The following IFT81 variants were observed in gnomAD, a reference collection of about 807,000 sequenced individuals.
IFT81 encodes the protein intraflagellar transport protein 81 homolog.
Under a neutral mutation model 102.6 loss-of-function variants are expected in IFT81, and 72 were observed. The observed-to-expected ratio is 0.70, with a 90% confidence interval of 0.58 to 0.85. The LOEUF is 0.85. Ranked by LOEUF, IFT81 falls within the 40% of genes least tolerant of loss-of-function variation. The pLI is 0.00. For missense variants in IFT81, 723 were observed against 787.3 expected, an observed-to-expected ratio of 0.92 and a Z score of 0.98; for synonymous variants, 237 against 242.7, an observed-to-expected ratio of 0.98 and a Z score of 0.22.
intron 12 of IFT81, 100 bp downstream of exon 12, chr12:110,180,671 A>G (rs1287504531): frequency 5.0e-6 from 4 of 795,872 alleles, no homozygotes; most frequent in Non-Finnish European, 7.5e-6. Flanking sequence ...GAAAAATGAT[A>G]AAAGTATTAC....
intron 10 of IFT81, among the ~76,000 whole-genome samples, chr12:110,152,119 A>AT (rs1895571309): frequency 6.6e-6 from 1 of 152,216 alleles, no homozygotes; most frequent in Non-Finnish European, 1.5e-5. Flanking sequence ...GACCATGTAA[A>AT]TGCAGATATC....
intron 12 of IFT81, among the ~76,000 whole-genome samples, chr12:110,182,119 A>G (rs572371440): frequency 2.0e-5 from 3 of 152,180 alleles, no homozygotes; most frequent in Non-Finnish European, 4.4e-5. Context: ...AGGGGTAACT[A>G]TGAGCTATTT....
At chr12:110,144,298 C>T (rs1173749767) in intron 9 of IFT81, among the ~76,000 whole-genome samples, 2 of 151,982 alleles carry the variant, frequency 1.3e-5, no homozygotes, top group African/African-American at 4.8e-5. Context: ...CTCACTACAA[C>T]CTCCGCTTCC....
At chr12:110,194,805 A>G (rs944301450) in intron 14 of IFT81, among the ~76,000 whole-genome samples, 1 of 152,164 alleles carries the variant, frequency 6.6e-6, no homozygotes, top group Non-Finnish European at 1.5e-5. Context: ...TGAACAGATA[A>G]TTATTTAATA....
intron 10 of IFT81, among the ~76,000 whole-genome samples, chr12:110,155,342 C>T (rs979720278): frequency 1.3e-5 from 2 of 151,986 alleles, no homozygotes; most frequent in African/African-American, 4.8e-5. Flanking sequence ...TGGAGTTTCA[C>T]TCCTGTTGCC....
chr12:110,208,520 A>T (rs1196123826), intron 17 of IFT81, among the ~76,000 whole-genome samples: 1 of 152,174 alleles, frequency 6.6e-6, no homozygotes, highest in Non-Finnish European at 1.5e-5. Context: ...GAAAAAAAAA[A>T]GATTAAACTA....
chr12:110,218,295 C>T lies in IFT81; in HGVS notation c.*69C>T. ...ATAAGCCTAATCTCATAATGTATTT[C>T]TTTTTTGAAACTGATTTGTATAGCA... is the stretch of plus-strand genomic sequence containing the variant. On this transcript the variant is annotated 3_prime_UTR_variant, in exon 19 of 19. Coordinates refer to ENST00000242591, the MANE Select transcript of IFT81 (RefSeq NM_014055.4). 2.5e-6 allele frequency: 3 copies of T among 1,200,084 alleles called. No homozygotes were observed. The highest frequency in any genetic ancestry group is 3.4e-6 in the Non-Finnish European group (3 of 891,574). The allele number at this position is 1,200,084 out of a possible 1,614,324, so 74.3% of individuals were successfully genotyped here. A position where few individuals can be genotyped will look rare whatever the true frequency, so the allele number is the denominator to read the frequency against.
rs1159720958 is a variant in IFT81 at position 110,134,818 on chromosome 12, A to G, written c.520-130A>G. ...AATAGAAATGACCTTCATCCAAAAG[A>G]GGATCTTGGTTGTTAATGCTGTGGT... On this transcript the variant is annotated intron_variant, in intron 5 of 18. Transcript: ENST00000242591. 6 of 664,468 alleles carry G rather than the reference A, an allele frequency of 9.0e-6. No individual in the cohort carries two copies. In the Admixed American group the frequency reaches 1.4e-4, roughly 16 times the overall value. The allele number at this position is 664,468 out of a possible 1,614,324, so 41.2% of individuals were successfully genotyped here.
At chr12:110,174,482 T>G (rs886606921) in intron 11 of IFT81, among the ~76,000 whole-genome samples, 4 of 150,454 alleles carry the variant, frequency 2.7e-5, no homozygotes, top group Non-Finnish European at 4.4e-5. Context: ...AAAAAATGGC[T>G]TTGTGTTTCT....
chr12:110,162,433 T>C, intron 10 of IFT81: 1 of 149,726 alleles, frequency 6.7e-6, no homozygotes. Flanking sequence ...ACCTCCCGGG[T>C]TCAAGCGATT....
At chr12:110,150,646 A>G (rs1190017223) in intron 10 of IFT81, among the ~76,000 whole-genome samples, 1 of 152,116 alleles carries the variant, frequency 6.6e-6, no homozygotes, top group Non-Finnish European at 1.5e-5. Flanking sequence ...CATTTTTATA[A>G]TATTAATCCA....
At chr12:110,145,218 A>T (rs192481155) in intron 9 of IFT81, among the ~76,000 whole-genome samples, 4 of 151,352 alleles carry the variant, frequency 2.6e-5, no homozygotes, top group Admixed American at 2.0e-4. Context: ...TTTTTTGTAC[A>T]GACAGGGTCT....
intron 18 of IFT81, among the ~76,000 whole-genome samples, chr12:110,216,254 G>A (rs1020057554): frequency 7.1e-6 from 1 of 141,364 alleles, no homozygotes; most frequent in Non-Finnish European, 1.6e-5. Flanking sequence ...GCAGTGGTGA[G>A]AGCATAGCTC....
intron 11 of IFT81, among the ~76,000 whole-genome samples, chr12:110,174,171 G>T (rs951028692): frequency 6.6e-6 from 1 of 150,822 alleles, no homozygotes; most frequent in Non-Finnish European, 1.5e-5. Flanking sequence ...CCAGCTACTC[G>T]GGAGGCTGAG....
chr12:110,136,746 G>C (rs769570605), intron 7 of IFT81, 30 bp from the exon 8 acceptor site: 3 of 1,388,992 alleles, frequency 2.2e-6, no homozygotes. Context: ...AGTAGACTAA[G>C]CAAGTAATCT....
intron 1 of IFT81, 44 bp from the exon 2 acceptor site, chr12:110,127,316 T>C: frequency 7.2e-7 from 1 of 1,389,180 alleles, no homozygotes; most frequent in Admixed American, 3.5e-5. Flanking sequence ...CCAGGACTTT[T>C]GTTGCCAGTA....
At chr12:110,148,999 A>G (rs1188123164) in intron 10 of IFT81, among the ~76,000 whole-genome samples, 3 of 152,132 alleles carry the variant, frequency 2.0e-5, no homozygotes, top group Non-Finnish European at 4.4e-5. Context: ...AATCCTAGAC[A>G]TTATAAGTTT....
At position 110,209,218 on chromosome 12, in the gene IFT81, TA is replaced by T; in HGVS notation, c.1848+4del. 1 of 1,481,234 alleles carries T rather than the reference TA, an allele frequency of 6.8e-7. No homozygotes were observed. Among genetic ancestry groups the T allele is most frequent in the Non-Finnish European group, 9.4e-7 (1 of 1,065,020 alleles). 91.8% of individuals were successfully genotyped at this position (1,481,234 alleles called of 1,614,324 possible). A position where few individuals can be genotyped will look rare whatever the true frequency, so the allele number is the denominator to read the frequency against. On this transcript the variant is annotated splice_donor_region_variant and intron_variant, in intron 18 of 18. Transcript: ENST00000242591. ...GCTGAACAAGAAAACCTTGGAAAGGTAAGAATTATTATTTATTTTTTTAAAT... is the reference window on the plus strand; with the variant it reads ...GCTGAACAAGAAAACCTTGGAAAGGTAGAATTATTATTTATTTTTTTAAAT...
intron 15 of IFT81, chr12:110,204,268 C>T (rs1898452526): frequency 4.2e-6 from 1 of 236,226 alleles, no homozygotes; most frequent in Non-Finnish European, 8.4e-6. Flanking sequence ...AATTTCCCAT[C>T]TGTACCACTC....
Sources: allele counts gnomAD v4.1 joint callset (sites outside exome capture counted in the v4.1 genomes callset), GRCh38; gene constraint gnomAD v4.1.1; transcripts MANE v1.5; gene names NCBI Gene and HGNC (gene_info 2026-07-23, HGNC 2026-07-21).